Variants in FMN2 observed in about 807,000 individuals in gnomAD.
FMN2 encodes the protein formin-2.
FMN2 carries 51 observed loss-of-function variants against 142.3 expected under a neutral mutation model. The observed-to-expected ratio is 0.36, with a 90% CI of 0.29 to 0.45. FMN2 has a LOEUF of 0.45. Among genes scored for constraint, FMN2 ranks in the 20% least tolerant of loss-of-function variants. FMN2 has a pLI of 1.00. For missense variants in FMN2, 1,936 were observed against 2,122.8 expected, an observed-to-expected ratio of 0.91 and a Z score of 1.73; for synonymous variants, 882 against 869.8, an observed-to-expected ratio of 1.01 and a Z score of -0.25.
At chr1:240,341,772 C>T (rs1671748789) in intron 13 of FMN2, among the ~76,000 whole-genome samples, 1 of 152,196 alleles carries the variant, frequency 6.6e-6, no homozygotes, top group African/African-American at 2.4e-5. Context: ...CTAGCAGCAG[C>T]ATAGAGCTCC....
At chr1:240,238,093 A>G (rs1456646) in intron 6 of FMN2, among the ~76,000 whole-genome samples, 100,672 of 152,038 alleles carry the variant, frequency 0.66, 33,954 homozygotes, top group African/African-American at 0.74. Context: ...ATAAACATTC[A>G]CCTGTAGTCA....
chr1:240,418,989 T>G (rs981991307), intron 15 of FMN2, among the ~76,000 whole-genome samples: 11 of 152,258 alleles, frequency 7.2e-5, no homozygotes, highest in Admixed American at 2.0e-4. Flanking sequence ...GCGCCTGTAA[T>G]CCCAGCTACT....
At chr1:240,229,337 CCT>C (rs1158021458) in intron 6 of FMN2, among the ~76,000 whole-genome samples, 1 of 152,086 alleles carries the variant, frequency 6.6e-6, no homozygotes, top group Non-Finnish European at 1.5e-5. Context: ...CATTCTTCCC[CCT>C]CTTCCTCACC....
intron 13 of FMN2, 56 bp from the exon 14 acceptor site, chr1:240,355,760 G>A (rs561936649): frequency 1.7e-6 from 2 of 1,203,792 alleles, no homozygotes; most frequent in Non-Finnish European, 1.2e-6. Context: ...TTTCAAAATT[G>A]CCTTAATGCT....
At chr1:240,206,058 G>A (rs1437747016) in intron 4 of FMN2, among the ~76,000 whole-genome samples, 2 of 151,838 alleles carry the variant, frequency 1.3e-5, no homozygotes, top group South Asian at 2.1e-4. Context: ...GTGTGCCACC[G>A]TGCTCAGCTA....
intron 2 of FMN2, among the ~76,000 whole-genome samples, chr1:240,155,675 T>G (rs571741098): frequency 6.6e-6 from 1 of 152,324 alleles, no homozygotes; most frequent in South Asian, 2.1e-4. Context: ...TAATTCATTT[T>G]GGTGACTTAC....
At chr1:240,157,048 A>T (rs1664052785) in intron 2 of FMN2, among the ~76,000 whole-genome samples, 1 of 152,180 alleles carries the variant, frequency 6.6e-6, no homozygotes, top group South Asian at 2.1e-4. Flanking sequence ...GTTAAGAAAA[A>T]AACTTTATTT....
At position 240,229,388 on chromosome 1, in the gene FMN2, G is replaced by A. The variant is rs1314301996; in HGVS notation, c.4065+18153G>A. Among the ~76,000 whole-genome samples the A allele has an allele frequency of 3.3e-5, 5 of 151,984 alleles. 1 individual carries two copies. Among genetic ancestry groups the A allele is most frequent in the African/African-American group, 1.2e-4 (5 of 41,366 alleles). ...TCCCTCTCTCTTTCTTTCACGTGCT[G>A]TGATGTTTGATCTTCTCTTGGTAAT... On this transcript the variant is annotated intron_variant, in intron 6 of 17. Coordinates refer to ENST00000319653, the MANE Select transcript of FMN2 (RefSeq NM_020066.5).
intron 16 of FMN2, among the ~76,000 whole-genome samples, chr1:240,445,716 T>TTC (rs57795860): frequency 6.6e-6 from 1 of 150,650 alleles, no homozygotes; most frequent in Non-Finnish European, 1.5e-5. Context: ...TTTTTTTTTT[T>TTC]CTGGAGAGAA....
chr1:240,256,089 T>C (rs1668442395), intron 6 of FMN2, among the ~76,000 whole-genome samples: 2 of 152,102 alleles, frequency 1.3e-5, no homozygotes, highest in African/African-American at 2.4e-5. Flanking sequence ...GCCTATTGCA[T>C]TGAGAAACCA....
At chr1:240,462,333 A>C (rs1265367486) in intron 16 of FMN2, among the ~76,000 whole-genome samples, 1 of 152,204 alleles carries the variant, frequency 6.6e-6, no homozygotes, top group Non-Finnish European at 1.5e-5. Flanking sequence ...GATAGAAGAA[A>C]ACATAATGCC....
intron 7 of FMN2, among the ~76,000 whole-genome samples, chr1:240,284,375 G>C (rs528697457): frequency 2.2e-4 from 33 of 152,148 alleles, no homozygotes; most frequent in African/African-American, 7.7e-4. Flanking sequence ...AAACAGTCAG[G>C]AATGACTGAC....
intron 13 of FMN2, among the ~76,000 whole-genome samples, chr1:240,340,587 A>G (rs866317204): frequency 6.0e-5 from 9 of 150,782 alleles, no homozygotes; most frequent in Middle Eastern, 3.4e-3. Flanking sequence ...TCTCAAACTG[A>G]AAAAAATTGT....
intron 11 of FMN2, among the ~76,000 whole-genome samples, chr1:240,331,915 C>T (rs1671389117): frequency 6.6e-6 from 1 of 152,126 alleles, no homozygotes; most frequent in Non-Finnish European, 1.5e-5. Flanking sequence ...AAGTGAAAAA[C>T]AGAATGGTTG....
chr1:240,104,142 A>G (rs904242944), intron 1 of FMN2, among the ~76,000 whole-genome samples: 2 of 151,030 alleles, frequency 1.3e-5, no homozygotes, highest in Non-Finnish European at 2.9e-5. Flanking sequence ...CCTCCCAAAG[A>G]GCTGGGATTA....
At chr1:240,122,094 G>T (rs368905786) in intron 1 of FMN2, among the ~76,000 whole-genome samples, 5 of 97,334 alleles carry the variant, frequency 5.1e-5, no homozygotes, top group Non-Finnish European at 1.1e-4. Flanking sequence ...ATTTATTTAT[G>T]AATTATTTTT....
At chr1:240,470,917 T>C in intron 16 of FMN2, among the ~76,000 whole-genome samples, 1 of 152,150 alleles carries the variant, frequency 6.6e-6, no homozygotes, top group Non-Finnish European at 1.5e-5. Context: ...CCTTTTACAA[T>C]GCATAAAGAA....
At chr1:240,321,958 G>A (rs10802861) in intron 8 of FMN2, among the ~76,000 whole-genome samples, 44,329 of 151,900 alleles carry the variant, frequency 0.29, 6,661 homozygotes, top group Admixed American at 0.39. Context: ...CTTATGATGG[G>A]GTTATGTCCC....
chr1:240,317,541 A>T (rs1466871095), intron 8 of FMN2, among the ~76,000 whole-genome samples: 1 of 152,126 alleles, frequency 6.6e-6, no homozygotes, highest in Non-Finnish European at 1.5e-5. Flanking sequence ...TATAATTTCC[A>T]TGAGATCCAC....
Sources: gnomAD v4.1 joint callset for allele counts (sites outside exome capture counted in the v4.1 genomes callset) on GRCh38, gnomAD v4.1.1 for gene constraint, MANE v1.5 for transcripts, NCBI Gene and HGNC (gene_info 2026-07-23, HGNC 2026-07-21) for gene names.